The following VPS53 variants were observed in gnomAD, a reference collection of about 807,000 sequenced individuals.
VPS53 encodes VPS53 subunit of GARP complex.
Under a neutral mutation model 107.0 loss-of-function variants are expected in VPS53, and 70 were observed. That is an observed-to-expected ratio of 0.65 (90% CI 0.54 to 0.80). The LOEUF is 0.80. VPS53 is among the 30% of genes least tolerant of loss of function. The probability of loss-of-function intolerance (pLI) is 0.00; values close to 1 mark genes in which losing one functional copy is unlikely to be tolerated. For synonymous variants in VPS53, 409 were observed against 393.3 expected (o/e 1.04, Z -0.47); for missense variants, 917 against 1,049.4 (o/e 0.87, Z 1.74).
In VPS53 at chr17:532,354, AACCTCC is replaced by A. The variant is rs572493640; in HGVS notation, c.2085+482_2085+487del. On this transcript the variant is annotated intron_variant, in intron 19 of 21. Transcript: ENST00000437048. ...CAGTGGTGTGATATCGGCTCACTGC[AACCTCC>A]ACCTCCCGGGTTCAAGTGATTCTCC... 4.0e-4 allele frequency: 62 copies of A among 154,032 alleles called. 1 individual carries two copies. In the South Asian group the frequency reaches 0.012, roughly 30 times the overall value. 9.5% of individuals were successfully genotyped at this position (154,032 alleles called of 1,614,324 possible).
intron 13 of VPS53, 79 bp from the exon 14 acceptor site, chr17:562,824 T>A (rs1409412691): frequency 6.8e-7 from 1 of 1,476,568 alleles, no homozygotes; most frequent in Admixed American, 2.2e-5. Flanking sequence ...GCAATGTACA[T>A]AAACTACTGC....
chr17:537,289 G>A, intron 17 of VPS53, 113 bp from the exon 18 acceptor site: 1 of 1,242,416 alleles, frequency 8.0e-7, no homozygotes, highest in Non-Finnish European at 1.1e-6. Flanking sequence ...GGTATCCCAG[G>A]AATCAGGCCC....
chr17:519,254 G>A lies in VPS53; in HGVS notation c.2373C>T (p.Arg791=), dbSNP rs773097271. ...CCGAGGGCGGTGCGGGGAGCCGCTG[G>A]CGCAGGAGTTCCAGCATGCTGCTCT... The part of the protein sequence containing the change: ...SEQSSMLELL[R]QRLPAPPSGA... The change falls in exon 22 of 22, where the codon CGC becomes CGT. Residue 791 remains arginine, a synonymous_variant. Transcript: ENST00000437048. The surrounding 1 kb of genome is among the most constrained non-coding windows in gnomAD (Gnocchi z 5.0). The A allele has an allele frequency of 1.9e-6, 3 of 1,539,852 alleles. No homozygotes were observed. The East Asian group carries it at 7.3e-5, about 38-fold the overall frequency.
chr17:680,442 C>T (rs1476497174), intron 4 of VPS53, among the ~76,000 whole-genome samples: 2 of 151,814 alleles, frequency 1.3e-5, no homozygotes, highest in Non-Finnish European at 2.9e-5. Context: ...ATTTAAAAGA[C>T]AATACACGAT....
intron 17 of VPS53, among the ~76,000 whole-genome samples, chr17:540,840 C>T (rs376463357): frequency 6.6e-5 from 10 of 152,230 alleles, no homozygotes; most frequent in East Asian, 1.9e-4. Flanking sequence ...CCAGCTTCTG[C>T]GGCCTGGGCA....
intron 4 of VPS53, among the ~76,000 whole-genome samples, chr17:684,148 C>A (rs1972500502): frequency 6.6e-6 from 1 of 152,172 alleles, no homozygotes; most frequent in Admixed American, 6.5e-5. Context: ...AGAAAACAAG[C>A]AAGATGCTAG....
chr17:713,423 C>T (rs111540910), intron 1 of VPS53, among the ~76,000 whole-genome samples: 1,761 of 152,056 alleles, frequency 0.012, 38 homozygotes, highest in African/African-American at 0.04. Context: ...GAGGCCGAGG[C>T]GGGCGGATAG....
chr17:591,470 T>C (rs1272462768), intron 12 of VPS53, among the ~76,000 whole-genome samples: 2 of 152,178 alleles, frequency 1.3e-5, no homozygotes, highest in African/African-American at 4.8e-5. Flanking sequence ...ATTGTGATGT[T>C]AGGGTGTCAA....
At chr17:662,751 GAGAAAGAA>G (rs148578494) in intron 4 of VPS53, among the ~76,000 whole-genome samples, 25 of 79,908 alleles carry the variant, frequency 3.1e-4, no homozygotes, top group Admixed American at 4.7e-4. Context: ...GACAAAGAAA[GAGAAAGAA>G]AGAAAGAAAG....
Position 712,304 on chromosome 17 carries a change from C to T in VPS53, c.88-1691G>A, listed in dbSNP as rs76745759. Among the ~76,000 whole-genome samples the T allele has an allele frequency of 2.6e-3, 393 of 151,080 alleles. 2 individuals are homozygous for T. The highest frequency in any genetic ancestry group is 9.2e-3 in the African/African-American group (379 of 41,080). ...CAAGCAGTTCTTTGCCTCAACCTCC[C>T]GAGTAGCTGAGATTACGGGCACCTG... is the stretch of plus-strand genomic sequence containing the variant. On this transcript the variant is annotated intron_variant, in intron 1 of 21. Transcript: ENST00000437048.
intron 12 of VPS53, among the ~76,000 whole-genome samples, chr17:588,190 C>A (rs565063365): frequency 1.3e-5 from 2 of 152,040 alleles, no homozygotes; most frequent in African/African-American, 4.8e-5. Flanking sequence ...TGGTGGTGTG[C>A]GCCTGTAGTC....
chr17:548,019 G>C (rs969194321), intron 17 of VPS53, among the ~76,000 whole-genome samples: 7 of 152,128 alleles, frequency 4.6e-5, no homozygotes, highest in African/African-American at 1.7e-4. Context: ...CGTGCTCCTT[G>C]GGCAGACGAT....
chr17:610,257 A>G (rs1968799949), intron 11 of VPS53, among the ~76,000 whole-genome samples: 1 of 152,180 alleles, frequency 6.6e-6, no homozygotes, highest in Admixed American at 6.5e-5. Context: ...GAAAAGAATA[A>G]TTAGGGGAAT....
rs186432951 is a variant in VPS53 at position 661,474 on chromosome 17, T to A, written c.372+335A>T. ...AGGCGGAGGTTGCAGTGAGCCAAGA[T>A]CGCACCACTGCACTCCAAGGCTGGC... On this transcript the variant is annotated intron_variant, in intron 5 of 21. Coordinates refer to ENST00000437048, the MANE Select transcript of VPS53 (RefSeq NM_001128159.3). Among the ~76,000 whole-genome samples, 22 of 138,826 alleles carry A rather than the reference T, an allele frequency of 1.6e-4. No individual in the cohort carries two copies. In the East Asian group the frequency reaches 2.9e-3, roughly 19 times the overall value. The allele number at this position is 138,826 out of a possible 152,430, so 91.1% of individuals were successfully genotyped here. A position where few individuals can be genotyped will look rare whatever the true frequency, so the allele number is the denominator to read the frequency against.
Position 564,541 on chromosome 17 carries a change from GA to G in VPS53, c.1314-1797del, listed in dbSNP as rs34603655. Among the ~76,000 whole-genome samples, 192 of 97,000 alleles carry G rather than the reference GA, an allele frequency of 2.0e-3. 1 individual carries two copies. Among genetic ancestry groups the G allele is most frequent in the Non-Finnish European group, 2.8e-3 (140 of 49,634 alleles). 63.6% of individuals were successfully genotyped at this position (97,000 alleles called of 152,430 possible). On this transcript the variant is annotated intron_variant, in intron 13 of 21. Coordinates refer to ENST00000437048, the MANE Select transcript of VPS53 (RefSeq NM_001128159.3). ...GGCAACAAAGTGAGACTCTGTCTCA[GA>G]AAAAAAAAAAAAAAAAAAATTAGCT...
chr17:665,684 A>G (rs1971650495), intron 4 of VPS53, among the ~76,000 whole-genome samples: 1 of 152,188 alleles, frequency 6.6e-6, no homozygotes, highest in Admixed American at 6.5e-5. Flanking sequence ...AAATTACTTC[A>G]TGGTTGTGAC....
rs142457642 is a variant in VPS53, at chr17:627,637, G to A, written c.832-321C>T. On this transcript the variant is annotated intron_variant, in intron 9 of 21. Transcript: ENST00000437048. ...TAAAAAATACAAAAATTAGCCTGGT[G>A]TGGTGACAGGCGCCTGTAATCCCAG... Among the ~76,000 whole-genome samples, 196 of 152,240 alleles carry A rather than the reference G, an allele frequency of 1.3e-3. 2 individuals carry two copies. The highest frequency in any genetic ancestry group is 2.7e-3 in the Admixed American group (42 of 15,286).
rs1021361811 is a variant in VPS53, at chr17:621,048, A to G, written c.1116+2485T>C. 3.9e-5 allele frequency among the ~76,000 whole-genome samples: 6 copies of G among 152,326 alleles called. No homozygotes were observed. The South Asian group carries it at 1.2e-3, about 32-fold the overall frequency. ...GCATTTGTATAAGAAAATTTCCAAA[A>G]AAACTATACCAGAGTAAATGGAAAA... is the stretch of plus-strand genomic sequence containing the variant. On this transcript the variant is annotated intron_variant, in intron 11 of 21. Transcript: ENST00000437048.
intron 4 of VPS53, among the ~76,000 whole-genome samples, chr17:688,221 G>A (rs1007269555): frequency 6.6e-6 from 1 of 152,130 alleles, no homozygotes; most frequent in Non-Finnish European, 1.5e-5. Flanking sequence ...GAACCACGGG[G>A]TGGTTTCTCC....
Sources: allele counts gnomAD v4.1 joint callset (sites outside exome capture counted in the v4.1 genomes callset), GRCh38; gene constraint gnomAD v4.1.1; non-coding constraint Gnocchi (gnomAD v3.1); transcripts MANE v1.5; gene names NCBI Gene and HGNC (gene_info 2026-07-23, HGNC 2026-07-21).